The following LRRC4C variants were observed in gnomAD, a reference collection of about 807,000 sequenced individuals.
LRRC4C encodes the protein leucine rich repeat containing 4C.
Under a neutral mutation model 33.6 loss-of-function variants are expected in LRRC4C, and 5 were observed. That is an observed-to-expected ratio of 0.15 (90% CI 0.08 to 0.31). LRRC4C has a LOEUF of 0.31. Among genes scored for constraint, LRRC4C ranks in the 10% least tolerant of loss-of-function variants. The probability of loss-of-function intolerance (pLI) is 1.00; values close to 1 mark genes in which losing one functional copy is unlikely to be tolerated. For synonymous variants in LRRC4C, 329 were observed against 302.0 expected, an observed-to-expected ratio of 1.09 and a Z score of -0.93; for missense variants, 560 against 796.7, an observed-to-expected ratio of 0.70 and a Z score of 3.58.
At chr11:40,887,713 T>C (rs187280643) in intron 2 of LRRC4C, among the ~76,000 whole-genome samples, 45 of 152,152 alleles carry the variant, frequency 3.0e-4, no homozygotes, top group Admixed American at 1.5e-3. Flanking sequence ...TGTTTTAACA[T>C]AACATATTTT....
chr11:40,115,471 C>G lies in LRRC4C; in HGVS notation c.822G>C (p.Leu274=). The stretch of plus-strand genomic sequence containing the variant: ...GCAGTAATGTTAGATTATTGTGTGC[C>G]AGGTTGATCTCCACTAGTGACTGAA... ...DNLQSLVEIN[L]AHNNLTLLPH... is the part of the protein sequence containing the mutation. Residue 274 remains leucine, a synonymous_variant, in exon 7 of 7, where the codon CTG becomes CTC. Transcript: ENST00000528697. This position sits in a 1 kb window ranked among gnomAD's most constrained non-coding sequence, Gnocchi z 6.7. 6.2e-7 allele frequency: 1 copy of G among 1,614,122 alleles called. No homozygotes were observed. Among genetic ancestry groups the G allele is most frequent in the South Asian group, 1.1e-5 (1 of 91,080 alleles).
intron 2 of LRRC4C, among the ~76,000 whole-genome samples, chr11:40,845,426 C>T (rs1221463470): frequency 6.6e-6 from 1 of 152,032 alleles, no homozygotes; most frequent in African/African-American, 2.4e-5. Flanking sequence ...ACTTCCAATG[C>T]GGAGGTTGGT....
intron 5 of LRRC4C, among the ~76,000 whole-genome samples, chr11:40,232,298 G>A (rs986114342): frequency 6.6e-6 from 1 of 152,112 alleles, no homozygotes; most frequent in Non-Finnish European, 1.5e-5. Context: ...GAGCCACCAT[G>A]CCTGGCCAAA....
intron 5 of LRRC4C, among the ~76,000 whole-genome samples, chr11:40,221,021 G>T (rs557391665): frequency 6.6e-6 from 1 of 151,960 alleles, no homozygotes; most frequent in South Asian, 2.1e-4. Flanking sequence ...GATTACAGTC[G>T]TCGGCCACCA....
intron 1 of LRRC4C, among the ~76,000 whole-genome samples, chr11:41,438,942 A>T (rs1371018921): frequency 1.3e-5 from 2 of 152,194 alleles, no homozygotes; most frequent in African/African-American, 4.8e-5. Flanking sequence ...GATTTGGGGA[A>T]TATGAGTGCC....
At chr11:40,434,569 G>A (rs996850956) in intron 3 of LRRC4C, among the ~76,000 whole-genome samples, 2 of 152,212 alleles carry the variant, frequency 1.3e-5, no homozygotes, top group Non-Finnish European at 2.9e-5. Flanking sequence ...GATCTTTGGA[G>A]CAATGGTAGC....
intron 1 of LRRC4C, among the ~76,000 whole-genome samples, chr11:41,091,050 C>T (rs1940380447): frequency 6.6e-6 from 1 of 152,100 alleles, no homozygotes; most frequent in Admixed American, 6.6e-5. Flanking sequence ...GCTGAGGATC[C>T]TTTTGTGTTG....
At position 40,342,148 on chromosome 11, in the gene LRRC4C, C is replaced by G. The variant is rs60894587; in HGVS notation, c.-269-22427G>C. Among the ~76,000 whole-genome samples, 1,147 of 152,118 alleles carry G rather than the reference C, an allele frequency of 7.5e-3. 14 individuals are homozygous for G. The highest frequency in any genetic ancestry group is 0.026 in the African/African-American group (1,086 of 41,482). ...AAAATATTAATGTATAAATTTAGAGCAATTTGATAACTCAGTTTAATCATT... is the reference window on the plus strand; with the variant it reads ...AAAATATTAATGTATAAATTTAGAGGAATTTGATAACTCAGTTTAATCATT... On this transcript the variant is annotated intron_variant, in intron 3 of 6. Transcript: ENST00000528697.
chr11:41,151,152 C>T (rs1483698084), intron 1 of LRRC4C, among the ~76,000 whole-genome samples: 2 of 152,026 alleles, frequency 1.3e-5, no homozygotes, highest in Non-Finnish European at 2.9e-5. Flanking sequence ...GAGAGGTCTG[C>T]TGATTTAATA....
rs184649221 is a variant in LRRC4C, at chr11:40,993,367, C to T, written c.-495-59644G>A. Among the ~76,000 whole-genome samples, 484 of 152,032 alleles carry T rather than the reference C, an allele frequency of 3.2e-3. 7 individuals are homozygous for T. In the South Asian group the frequency reaches 0.036, roughly 11 times the overall value. On this transcript the variant is annotated intron_variant, in intron 1 of 6. Coordinates refer to ENST00000528697, the MANE Select transcript of LRRC4C (RefSeq NM_001258419.2). ...CCCATGAAATTTATATTTGAACTGGCCCACACATAATATAGAATATATTTA... is the reference window on the plus strand; with the variant it reads ...CCCATGAAATTTATATTTGAACTGGTCCACACATAATATAGAATATATTTA...
chr11:40,402,390 G>T (rs918343393), intron 3 of LRRC4C, among the ~76,000 whole-genome samples: 1 of 152,024 alleles, frequency 6.6e-6, no homozygotes, highest in African/African-American at 2.4e-5. Flanking sequence ...TGTAAAGTTG[G>T]CTGGGCAGAT....
chr11:40,536,188 CT>C (rs372117384), intron 3 of LRRC4C, among the ~76,000 whole-genome samples: 15 of 149,550 alleles, frequency 1.0e-4, no homozygotes, highest in Middle Eastern at 3.4e-3. Context: ...TGAACAGCCT[CT>C]TTTTTTTTTC....
intron 2 of LRRC4C, among the ~76,000 whole-genome samples, chr11:40,700,135 A>G (rs190442871): frequency 6.6e-6 from 1 of 152,130 alleles, no homozygotes; most frequent in Admixed American, 6.6e-5. Context: ...ATGACTGAAG[A>G]TAACTTAGCT....
At chr11:40,285,467 C>T (rs1176521028) in intron 4 of LRRC4C, among the ~76,000 whole-genome samples, 1 of 152,170 alleles carries the variant, frequency 6.6e-6, no homozygotes, top group Non-Finnish European at 1.5e-5. Context: ...TACAGCACAT[C>T]GTATCTAAAC....
intron 1 of LRRC4C, among the ~76,000 whole-genome samples, chr11:40,960,235 T>G (rs963419011): frequency 1.3e-4 from 19 of 151,814 alleles, no homozygotes; most frequent in African/African-American, 4.6e-4. Flanking sequence ...CATTATAAAG[T>G]CTTTTGAAGG....
At chr11:41,312,020 G>A (rs963408845) in intron 1 of LRRC4C, among the ~76,000 whole-genome samples, 1 of 152,160 alleles carries the variant, frequency 6.6e-6, no homozygotes, top group Non-Finnish European at 1.5e-5. Flanking sequence ...AGACCGACAC[G>A]TTTTATCAAT....
At position 40,389,105 on chromosome 11, in the gene LRRC4C, T is replaced by C. The variant is rs980275645; in HGVS notation, c.-269-69384A>G. On this transcript the variant is annotated intron_variant, in intron 3 of 6. Coordinates refer to ENST00000528697, the MANE Select transcript of LRRC4C (RefSeq NM_001258419.2). ...TGCATAGGAAAGGAGAAAGGAAAAA[T>C]GGGCCATTTATTATTTAGTAAACCA... Among the ~76,000 whole-genome samples, 11 of 152,004 alleles carry C rather than the reference T, an allele frequency of 7.2e-5. No individual in the cohort carries two copies. In the East Asian group the frequency reaches 1.5e-3, roughly 21 times the overall value.
chr11:40,624,104 A>G lies in LRRC4C; in HGVS notation c.-270+24038T>C, dbSNP rs995717465. On this transcript the variant is annotated intron_variant, in intron 3 of 6. Transcript: ENST00000528697. ...TAAGCTCATTCATTCAAAAATAGAG[A>G]GTACCTGGGAAAGAGTTGGGTGCTA... Among the ~76,000 whole-genome samples, 18 of 152,084 alleles carry G rather than the reference A, an allele frequency of 1.2e-4. 1 individual carries two copies. The highest frequency in any genetic ancestry group is 2.1e-4 in the Non-Finnish European group (14 of 67,980).
intron 2 of LRRC4C, among the ~76,000 whole-genome samples, chr11:40,659,375 G>A (rs780164162): frequency 1.3e-5 from 2 of 152,178 alleles, no homozygotes; most frequent in African/African-American, 2.4e-5. Context: ...AGGCAGAAAG[G>A]AGGGGGTCCC....
Sources: allele counts gnomAD v4.1 joint callset (sites outside exome capture counted in the v4.1 genomes callset), GRCh38; gene constraint gnomAD v4.1.1; non-coding constraint Gnocchi (gnomAD v3.1); transcripts MANE v1.5; gene names NCBI Gene and HGNC (gene_info 2026-07-23, HGNC 2026-07-21).